The following ADAM9 variants were observed in gnomAD, a reference collection of about 807,000 sequenced individuals.
The protein encoded by ADAM9 is ADAM metallopeptidase domain 9, also known as disintegrin and metalloproteinase domain-containing protein 9.
Under a neutral mutation model 108.1 loss-of-function variants are expected in ADAM9, and 54 were observed. The observed-to-expected ratio is 0.50, with a 90% confidence interval of 0.40 to 0.63. The LOEUF (loss-of-function observed/expected upper bound fraction) is 0.63. ADAM9 is among the 20% of genes least tolerant of loss of function. The probability of loss-of-function intolerance (pLI) is 0.00; values close to 1 mark genes in which losing one functional copy is unlikely to be tolerated. For missense variants in ADAM9, 830 were observed against 997.7 expected, an observed-to-expected ratio of 0.83 and a Z score of 2.26; for synonymous variants, 316 against 336.0, an observed-to-expected ratio of 0.94 and a Z score of 0.65.
chr8:39,004,532 C>T (rs1836099590), intron 1 of ADAM9, among the ~76,000 whole-genome samples: 1 of 152,112 alleles, frequency 6.6e-6, no homozygotes, highest in African/African-American at 2.4e-5. Flanking sequence ...GTAATCTTGT[C>T]TGTAATGATT....
At position 39,105,212 on chromosome 8, in the gene ADAM9, G is replaced by A. The variant is rs1449814541; in HGVS notation, c.*1512G>A. 4 of 441,644 alleles carry A rather than the reference G, an allele frequency of 9.1e-6. No individual in the cohort carries two copies. Among genetic ancestry groups the A allele is most frequent in the Non-Finnish European group, 1.8e-5 (4 of 223,132 alleles). The allele number at this position is 441,644 out of a possible 1,614,324, so 27.4% of individuals were successfully genotyped here. On this transcript the variant is annotated 3_prime_UTR_variant, in exon 22 of 22. Coordinates refer to ENST00000487273, the MANE Select transcript of ADAM9 (RefSeq NM_003816.3). ...AATTTCAGTTTTCTGAAGACAGCAT[G>A]TTATTTTAACAATCAAGTATACATA...
At position 39,101,740 on chromosome 8, in the gene ADAM9, T is replaced by C. The variant is rs1839701224; in HGVS notation, c.2299-123T>C. The stretch of plus-strand genomic sequence containing the variant: ...TTTGAAACTCTTCTGGTTCTAAGCA[T>C]TTCTGATAAGGAATATTCAACTGTA... On this transcript the variant is annotated intron_variant, in intron 20 of 21. Transcript: ENST00000487273. The C allele has an allele frequency of 8.2e-6, 7 of 849,284 alleles. No individual in the cohort carries two copies. In the South Asian group the frequency reaches 1.2e-4, roughly 14 times the overall value. 52.6% of individuals were successfully genotyped at this position (849,284 alleles called of 1,614,324 possible). A position where few individuals can be genotyped will look rare whatever the true frequency, so the allele number is the denominator to read the frequency against.
At chr8:39,026,895 G>A in intron 11 of ADAM9, 85 bp downstream of exon 11, 1 of 1,541,772 alleles carries the variant, frequency 6.5e-7, no homozygotes, top group Non-Finnish European at 8.9e-7. Context: ...TGTCTACATT[G>A]GGAAAACAGG....
At chr8:39,021,814 G>A in intron 8 of ADAM9, 100 bp downstream of exon 8, 1 of 1,027,200 alleles carries the variant, frequency 9.7e-7, no homozygotes, top group Non-Finnish European at 1.5e-6. Flanking sequence ...ATTTTCATAG[G>A]GCCTCAATGA....
At chr8:39,023,769 CAG>C (rs1159859582) in intron 9 of ADAM9, among the ~76,000 whole-genome samples, 1 of 101,944 alleles carries the variant, frequency 9.8e-6, no homozygotes, top group South Asian at 3.2e-4. Flanking sequence ...TTTTTGGAGA[CAG>C]AGTCTCACTC....
intron 4 of ADAM9, chr8:39,014,386 T>C (rs1326029953): frequency 7.2e-6 from 4 of 556,766 alleles, no homozygotes; most frequent in African/African-American, 3.8e-5. Context: ...AGTGCACTTA[T>C]TAAAACATTT....
At chr8:39,083,248 A>G (rs983738567) in intron 18 of ADAM9, among the ~76,000 whole-genome samples, 175 bp downstream of exon 18, 10 of 152,042 alleles carry the variant, frequency 6.6e-5, no homozygotes, top group African/African-American at 1.9e-4. Context: ...ATTACTTTCA[A>G]TTTCTTGCCT....
intron 1 of ADAM9, among the ~76,000 whole-genome samples, chr8:38,997,730 CTT>C (rs1464575144): frequency 6.6e-6 from 1 of 152,248 alleles, no homozygotes; most frequent in Non-Finnish European, 1.5e-5. Flanking sequence ...GCTCATTTCT[CTT>C]GGGTCATTTT....
intron 18 of ADAM9, among the ~76,000 whole-genome samples, chr8:39,087,570 CAA>C (rs760418423): frequency 6.6e-6 from 1 of 152,160 alleles, no homozygotes; most frequent in Non-Finnish European, 1.5e-5. Flanking sequence ...ATTGAAGAAT[CAA>C]TTGCCAGTAA....
chr8:39,069,425 A>G (rs1838604521), intron 14 of ADAM9, among the ~76,000 whole-genome samples: 1 of 152,226 alleles, frequency 6.6e-6, no homozygotes, highest in Non-Finnish European at 1.5e-5. Context: ...ATAAGGATTT[A>G]AAAGTCCTTC....
Position 39,042,033 on chromosome 8 carries a change from A to G in ADAM9, c.1218A>G (p.Pro406=), listed in dbSNP as rs35438678. 6.2e-3 allele frequency: 10,086 copies of G among 1,614,102 alleles called. 534 individuals carry two copies. The African/African-American group carries it at 0.12, about 19-fold the overall frequency. ...GAGGAAACTGCCTTCTTAATATTCC[A>G]AAGCCTGATGAAGCCTATAGTGCTC... is the stretch of plus-strand genomic sequence containing the variant. The part of the protein sequence containing the change: ...NKGGNCLLNI[P]KPDEAYSAPS... Residue 406 remains proline, a synonymous_variant, in exon 12 of 22, where the codon CCA becomes CCG. Coordinates refer to ENST00000487273, the MANE Select transcript of ADAM9 (RefSeq NM_003816.3).
intron 1 of ADAM9, among the ~76,000 whole-genome samples, chr8:39,007,148 A>T (rs1184910924): frequency 6.6e-6 from 1 of 152,196 alleles, no homozygotes; most frequent in Non-Finnish European, 1.5e-5. Context: ...GGGGAAGCGG[A>T]GCTGGCGGGT....
At chr8:39,041,028 G>A (rs1282960350) in intron 11 of ADAM9, among the ~76,000 whole-genome samples, 3 of 152,120 alleles carry the variant, frequency 2.0e-5, no homozygotes, top group African/African-American at 7.2e-5. Context: ...AAAGCTCCTT[G>A]ACATTGGCCT....
intron 15 of ADAM9, among the ~76,000 whole-genome samples, chr8:39,072,517 GTTC>G (rs1838728062): frequency 1.3e-5 from 2 of 152,262 alleles, no homozygotes; most frequent in South Asian, 4.1e-4. Context: ...TGTGTAGGGT[GTTC>G]TTCTTCTCCC....
At chr8:39,092,484 A>G (rs887353181) in intron 20 of ADAM9, among the ~76,000 whole-genome samples, 8 of 152,168 alleles carry the variant, frequency 5.3e-5, no homozygotes, top group Non-Finnish European at 1.0e-4. Flanking sequence ...CACAAAGGCC[A>G]TATGCATGCT....
At chr8:39,054,044 A>C (rs927809752) in intron 12 of ADAM9, among the ~76,000 whole-genome samples, 5 of 152,026 alleles carry the variant, frequency 3.3e-5, no homozygotes, top group Non-Finnish European at 7.4e-5. Context: ...CAAACATCTC[A>C]CTTGCCGTCT....
At chr8:38,997,272 G>C in intron 1 of ADAM9, 112 bp downstream of exon 1, 1 of 1,266,160 alleles carries the variant, frequency 7.9e-7, no homozygotes, top group Non-Finnish European at 1.1e-6. Flanking sequence ...GATCGGACCC[G>C]GGGTCGGGGG....
chr8:39,020,928 T>C (rs145599150), intron 7 of ADAM9, among the ~76,000 whole-genome samples: 130 of 152,342 alleles, frequency 8.5e-4, no homozygotes, highest in African/African-American at 3.0e-3. Flanking sequence ...CATCATTAGC[T>C]TAAGAGGTGA....
intron 20 of ADAM9, among the ~76,000 whole-genome samples, chr8:39,093,999 G>A (rs970005128): frequency 3.9e-5 from 6 of 152,012 alleles, no homozygotes; most frequent in South Asian, 2.1e-4. Context: ...CTTGAACTCC[G>A]GACCTCAGGT....
Sources: allele counts gnomAD v4.1 joint callset (sites outside exome capture counted in the v4.1 genomes callset), GRCh38; gene constraint gnomAD v4.1.1; transcripts MANE v1.5; gene names NCBI Gene and HGNC (gene_info 2026-07-23, HGNC 2026-07-21).